FBXL17: variants seen among roughly 807,000 people sequenced by gnomAD.
FBXL17 encodes the protein F-box/LRR-repeat protein 17.
A neutral mutation model predicts 66.2 loss-of-function variants in FBXL17; 22 were observed. The observed-to-expected ratio is 0.33, with a 90% CI of 0.24 to 0.47. The LOEUF (loss-of-function observed/expected upper bound fraction) is 0.47, where lower values mean the gene tolerates loss of function less well. FBXL17 is among the 20% of genes least tolerant of loss of function. The pLI is 1.00. For missense variants in FBXL17, 878 were observed against 948.2 expected (o/e 0.93, Z 0.97); for synonymous variants, 474 against 400.5 (o/e 1.18, Z -2.19).
At chr5:108,278,294 C>T (rs1757565095) in intron 4 of FBXL17, among the ~76,000 whole-genome samples, 2 of 152,206 alleles carry the variant, frequency 1.3e-5, no homozygotes, top group Non-Finnish European at 2.9e-5. Context: ...CACACCCTTT[C>T]TGAAACCTAA....
chr5:108,208,744 T>C (rs181050545), intron 5 of FBXL17, among the ~76,000 whole-genome samples: 2 of 152,332 alleles, frequency 1.3e-5, no homozygotes, highest in African/African-American at 4.8e-5. Context: ...TCAGGTAGCA[T>C]GATGCCTCCA....
chr5:107,908,440 T>C (rs961944266), intron 7 of FBXL17, among the ~76,000 whole-genome samples: 9 of 152,148 alleles, frequency 5.9e-5, no homozygotes, highest in Non-Finnish European at 5.9e-5. Context: ...TGGGAGACAT[T>C]AAAATATATC....
intron 6 of FBXL17, among the ~76,000 whole-genome samples, chr5:108,157,274 G>A (rs1399746954): frequency 6.6e-6 from 1 of 151,198 alleles, no homozygotes; most frequent in Admixed American, 6.6e-5. Flanking sequence ...AAAGGTTTCT[G>A]TCCAAAAGAC....
At chr5:108,194,804 G>T (rs1753614328) in intron 5 of FBXL17, among the ~76,000 whole-genome samples, 1 of 152,134 alleles carries the variant, frequency 6.6e-6, no homozygotes, top group Non-Finnish European at 1.5e-5. Context: ...AAAGAAGATT[G>T]ACGGCCAGGC....
chr5:108,050,350 T>A (rs576003066), intron 6 of FBXL17, among the ~76,000 whole-genome samples: 1 of 152,196 alleles, frequency 6.6e-6, no homozygotes, highest in African/African-American at 2.4e-5. Context: ...AGAACTGAAA[T>A]CATAACAAAC....
At chr5:108,022,931 C>T (rs1014437388) in intron 6 of FBXL17, among the ~76,000 whole-genome samples, 1 of 151,986 alleles carries the variant, frequency 6.6e-6, no homozygotes, top group Non-Finnish European at 1.5e-5. Flanking sequence ...CCGCTATTCA[C>T]AGAGAAAAGT....
At chr5:108,294,798 A>T (rs569320521) in intron 4 of FBXL17, among the ~76,000 whole-genome samples, 2 of 152,230 alleles carry the variant, frequency 1.3e-5, no homozygotes, top group South Asian at 4.1e-4. Context: ...CTAAGCCATT[A>T]TTAGTCATAA....
At chr5:108,198,284 T>C (rs1753758956) in intron 5 of FBXL17, among the ~76,000 whole-genome samples, 1 of 152,054 alleles carries the variant, frequency 6.6e-6, no homozygotes, top group Non-Finnish European at 1.5e-5. Context: ...AATTCCAAAA[T>C]GTATACATAA....
chr5:107,953,246 C>CA (rs1414075196), intron 7 of FBXL17, among the ~76,000 whole-genome samples: 3 of 151,298 alleles, frequency 2.0e-5, no homozygotes, highest in African/African-American at 4.8e-5. Context: ...ACTAAAAATA[C>CA]AAAAAAAATT....
intron 7 of FBXL17, among the ~76,000 whole-genome samples, 169 bp from the exon 8 acceptor site, chr5:107,881,348 A>G (rs1262009344): frequency 6.6e-6 from 1 of 152,216 alleles, no homozygotes; most frequent in African/African-American, 2.4e-5. Flanking sequence ...AAGCTTCCCT[A>G]TGACAAACCC....
intron 5 of FBXL17, among the ~76,000 whole-genome samples, chr5:108,201,402 T>C (rs1220800356): frequency 6.6e-6 from 1 of 152,154 alleles, no homozygotes; most frequent in Non-Finnish European, 1.5e-5. Flanking sequence ...GTAGACAAGA[T>C]CTGCCCAGGT....
At chr5:107,942,132 T>A (rs963038906) in intron 7 of FBXL17, among the ~76,000 whole-genome samples, 3 of 152,168 alleles carry the variant, frequency 2.0e-5, no homozygotes, top group African/African-American at 7.2e-5. Flanking sequence ...CAGCTGGATG[T>A]AGGCAATACC....
At chr5:108,267,698 C>A (rs1757100599) in intron 4 of FBXL17, among the ~76,000 whole-genome samples, 1 of 151,776 alleles carries the variant, frequency 6.6e-6, no homozygotes, top group Non-Finnish European at 1.5e-5. Flanking sequence ...AGAAGAAAGA[C>A]AATATACAGG....
chr5:108,155,572 G>T lies in FBXL17; in HGVS notation c.1745+30545C>A, dbSNP rs376802944. ...ACAATTAACCCCCAAGTAGCTAGGA[G>T]GGGTAAAACTCTCTGAACTTTGAAC... On this transcript the variant is annotated intron_variant, in intron 6 of 8. Transcript: ENST00000542267. Among the ~76,000 whole-genome samples the T allele has an allele frequency of 2.6e-5, 4 of 152,240 alleles. No homozygotes were observed. The East Asian group carries it at 7.7e-4, about 29-fold the overall frequency.
chr5:108,112,184 A>G lies in FBXL17; in HGVS notation c.1745+73933T>C, dbSNP rs146879624. On this transcript the variant is annotated intron_variant, in intron 6 of 8. Transcript: ENST00000542267. ...GGGCAAGTGAGCAAGCTCTGGAGATAGGCACAGTCCAATTGAGTCTTTGGT... is the reference window on the plus strand; with the variant it reads ...GGGCAAGTGAGCAAGCTCTGGAGATGGGCACAGTCCAATTGAGTCTTTGGT... Among the ~76,000 whole-genome samples the G allele has an allele frequency of 1.0e-3, 159 of 152,360 alleles. 1 individual carries two copies. The East Asian group carries it at 0.019, about 18-fold the overall frequency.
At chr5:107,886,568 G>C (rs574772318) in intron 7 of FBXL17, among the ~76,000 whole-genome samples, 2 of 152,038 alleles carry the variant, frequency 1.3e-5, no homozygotes, top group East Asian at 3.9e-4. Flanking sequence ...AGTGGTATCA[G>C]AAAAAGAAAA....
chr5:108,048,369 G>A (rs1480337467), intron 6 of FBXL17, among the ~76,000 whole-genome samples: 1 of 152,182 alleles, frequency 6.6e-6, no homozygotes, highest in East Asian at 1.9e-4. Flanking sequence ...AAAAAATGCT[G>A]AAAACCCAAG....
In FBXL17 at chr5:107,862,830, G is replaced by A. The variant is rs1253043876; in HGVS notation, c.1966-970C>T. Among the ~76,000 whole-genome samples the A allele has an allele frequency of 2.0e-5, 3 of 151,746 alleles. No individual in the cohort carries two copies. The South Asian group carries it at 6.2e-4, about 32-fold the overall frequency. ...CCTGAAACAACATCAAACCCTTGCT[G>A]TTTGCTTTGAAAGCCTGCTTAGAAG... On this transcript the variant is annotated intron_variant, in intron 8 of 8. Transcript: ENST00000542267.
chr5:108,135,824 C>T (rs1489342313), intron 6 of FBXL17, among the ~76,000 whole-genome samples: 1 of 152,122 alleles, frequency 6.6e-6, no homozygotes, highest in African/African-American at 2.4e-5. Context: ...CATATCTGAT[C>T]TCCCATAAAA....
Sources: gnomAD v4.1 joint callset for allele counts (sites outside exome capture counted in the v4.1 genomes callset) on GRCh38, gnomAD v4.1.1 for gene constraint, MANE v1.5 for transcripts, NCBI Gene and HGNC (gene_info 2026-07-23, HGNC 2026-07-21) for gene names.